The following CDC42BPB variants were observed in gnomAD, a reference collection of about 807,000 sequenced individuals.
CDC42BPB encodes the protein CDC42 binding protein kinase beta.
A neutral mutation model predicts 214.9 loss-of-function variants in CDC42BPB; 37 were observed. The ratio of observed to expected loss-of-function variants is 0.17; its 90% confidence interval spans 0.13 to 0.23. The LOEUF (loss-of-function observed/expected upper bound fraction) is 0.23. CDC42BPB is among the 10% of genes least tolerant of loss of function. CDC42BPB has a pLI of 1.00. For synonymous variants in CDC42BPB, 931 were observed against 884.0 expected (o/e 1.05, Z -0.94); for missense variants, 1,694 against 2,227.0 (o/e 0.76, Z 4.82).
chr14:103,028,134 ATAAG>A (rs1210136046), intron 1 of CDC42BPB, among the ~76,000 whole-genome samples: 1 of 152,236 alleles, frequency 6.6e-6, no homozygotes, highest in Non-Finnish European at 1.5e-5. Context: ...CTTCTCAAAA[ATAAG>A]TAAATAAAAC....
chr14:102,976,326 C>T (rs1893742665), intron 9 of CDC42BPB: 1 of 513,282 alleles, frequency 1.9e-6, no homozygotes, highest in African/African-American at 2.1e-5. Context: ...ACTATAAATG[C>T]AAAACCAGAA....
At chr14:103,017,973 G>T (rs1015700830) in intron 1 of CDC42BPB, among the ~76,000 whole-genome samples, 1 of 152,190 alleles carries the variant, frequency 6.6e-6, no homozygotes, top group Non-Finnish European at 1.5e-5. Context: ...TGGCACCAGG[G>T]GCCACTTTCA....
intron 1 of CDC42BPB, among the ~76,000 whole-genome samples, chr14:103,044,838 CA>C (rs1566924865): frequency 6.6e-6 from 1 of 151,420 alleles, no homozygotes; most frequent in Non-Finnish European, 1.5e-5. Flanking sequence ...AGGATTGCTG[CA>C]TAACCACTGA....
chr14:102,941,293 A>T (rs1417301112), intron 30 of CDC42BPB: 3 of 985,350 alleles, frequency 3.0e-6, no homozygotes, highest in African/African-American at 1.7e-5. Context: ...GTTCAAGGTT[A>T]ATCCTGCATC....
chr14:103,053,685 C>T lies in CDC42BPB; in HGVS notation c.175+3314G>A, dbSNP rs1306001982. Among the ~76,000 whole-genome samples, 18 of 151,156 alleles carry T rather than the reference C, an allele frequency of 1.2e-4. No homozygotes were observed. In the South Asian group the frequency reaches 2.1e-3, roughly 18 times the overall value. ...GCTGAGGCAGGAGAACAACGTGAAC[C>T]CGGGAGGCAGAGCTTGCAGTGAGCC... On this transcript the variant is annotated intron_variant, in intron 1 of 36. Coordinates refer to ENST00000361246, the MANE Select transcript of CDC42BPB (RefSeq NM_006035.4).
chr14:102,974,366 C>G (rs2139486378), intron 11 of CDC42BPB: 1 of 985,040 alleles, frequency 1.0e-6, no homozygotes, highest in East Asian at 1.1e-4. Flanking sequence ...AACAGGCTCC[C>G]TAGACTTTAC....
At chr14:102,965,836 AT>A (rs1164103597) in intron 18 of CDC42BPB, among the ~76,000 whole-genome samples, 3 of 152,206 alleles carry the variant, frequency 2.0e-5, no homozygotes, top group African/African-American at 7.2e-5. Flanking sequence ...CACGCCTGTA[AT>A]CCCAGCTACT....
Position 102,933,728 on chromosome 14 carries a change from G to T in CDC42BPB, c.5120C>A (p.Pro1707Gln), listed in dbSNP as rs765510912. Residue 1707 changes from proline to glutamine, a missense_variant, in exon 37 of 37, where the codon CCG becomes CAG. Pro to Gln is a moderately conservative substitution (Grantham distance 76). This residue lies in a region of CDC42BPB where 146 missense variants were observed against 134.1 expected (regional missense o/e 1.09). Coordinates refer to ENST00000361246, the MANE Select transcript of CDC42BPB (RefSeq NM_006035.4). ...CTGGCGGCTTCAGGTGTCACAGGCC[G>T]GCTGCTCCAGGCCTTCGAGGGGGAG... ...SQLPLEGLEQPACDT is the reference protein window; with the variant it reads ...SQLPLEGLEQQACDT 4.1e-6 allele frequency: 6 copies of T among 1,479,530 alleles called. No individual in the cohort carries two copies. The highest frequency in any genetic ancestry group is 5.3e-6 in the Non-Finnish European group (6 of 1,130,234). 91.7% of individuals were successfully genotyped at this position (1,479,530 alleles called of 1,614,324 possible).
In CDC42BPB at chr14:103,053,164, A is replaced by G. The variant is rs561253451; in HGVS notation, c.175+3835T>C. Among the ~76,000 whole-genome samples, 5 of 151,996 alleles carry G rather than the reference A, an allele frequency of 3.3e-5. No homozygotes were observed. The East Asian group carries it at 9.7e-4, about 30-fold the overall frequency. ...GGACTTTAAGACCAGCCTGGCCAAG[A>G]TGGTGAAACCCCGTCTTTACTAAAA... On this transcript the variant is annotated intron_variant, in intron 1 of 36. Coordinates refer to ENST00000361246, the MANE Select transcript of CDC42BPB (RefSeq NM_006035.4).
In CDC42BPB at chr14:102,963,087, ATCTTTT is replaced by A. The variant is rs1566861432; in HGVS notation, c.2789_2794del (p.Lys930_Lys931del). On this transcript the variant is annotated inframe_deletion, in exon 20 of 37. Transcript: ENST00000361246. ...AGTATCTGCTCTGAATTTTTCTTCC[ATCTTTT>A]TCTTCAAAATTTCCATTTCTTCTAA... is the stretch of plus-strand genomic sequence containing the variant. The A allele has an allele frequency of 6.4e-7, 1 of 1,558,428 alleles. No homozygotes were observed. The highest frequency in any genetic ancestry group is 8.8e-7 in the Non-Finnish European group (1 of 1,130,574).
Position 103,004,018 on chromosome 14 carries a change from C to A in CDC42BPB, c.357G>T (p.Ala119=). The change falls in exon 4 of 37, where the codon GCG becomes GCT. Residue 119 remains alanine (A), a synonymous_variant. Coordinates refer to ENST00000361246, the MANE Select transcript of CDC42BPB (RefSeq NM_006035.4). This position sits in a 1 kb window ranked among gnomAD's most constrained non-coding sequence, Gnocchi z 5.3. The part of the protein sequence containing the change: ...KWEMLKRAET[A]CFREERDVLV... ...GCACATCGCGCTCCTCTCGGAAGCA[C>A]GCGGTCTGCAAAGCAACGAGGGGTG... The A allele has an allele frequency of 6.2e-7, 1 of 1,601,146 alleles. No individual in the cohort carries two copies. Among genetic ancestry groups the A allele is most frequent in the Non-Finnish European group, 8.5e-7 (1 of 1,177,692 alleles).
intron 20 of CDC42BPB, 60 bp downstream of exon 20, chr14:102,963,001 A>G: frequency 1.2e-6 from 1 of 823,336 alleles, no homozygotes; most frequent in Non-Finnish European, 2.0e-6. Flanking sequence ...AGAAAATAAA[A>G]ACATTCATTT....
chr14:102,952,661 C>G, intron 23 of CDC42BPB, 58 bp from the exon 24 acceptor site: 1 of 1,575,814 alleles, frequency 6.3e-7, no homozygotes. Flanking sequence ...GAGTCAGATC[C>G]ATCTGCCTGT....
intron 1 of CDC42BPB, among the ~76,000 whole-genome samples, chr14:103,037,747 T>C (rs1327535224): frequency 6.6e-6 from 1 of 152,092 alleles, no homozygotes; most frequent in African/African-American, 2.4e-5. Context: ...TAAAGAATTT[T>C]AGGCCGGGCG....
intron 2 of CDC42BPB, among the ~76,000 whole-genome samples, chr14:103,011,246 T>C (rs544404111): frequency 2.6e-4 from 40 of 152,330 alleles, no homozygotes; most frequent in Middle Eastern, 3.4e-3. Context: ...ACAAGGGACC[T>C]GGTGAGCCTC....
At chr14:102,950,038 A>G in intron 25 of CDC42BPB, 134 bp from the exon 26 acceptor site, 1 of 1,491,876 alleles carries the variant, frequency 6.7e-7, no homozygotes, top group Non-Finnish European at 8.9e-7. Context: ...ATGTTTGCCC[A>G]AGAAGGCTCA....
At chr14:102,948,799 G>C (rs956943227) in intron 26 of CDC42BPB, among the ~76,000 whole-genome samples, 1 of 151,828 alleles carries the variant, frequency 6.6e-6, no homozygotes, top group South Asian at 2.1e-4. Context: ...TGAGCCCTCC[G>C]ATGGGGCCCC....
At chr14:103,047,369 A>C (rs1888350796) in intron 1 of CDC42BPB, among the ~76,000 whole-genome samples, 1 of 152,138 alleles carries the variant, frequency 6.6e-6, no homozygotes, top group Admixed American at 6.6e-5. Flanking sequence ...CAAGCGTCCC[A>C]ATCAAAAAGA....
Position 103,057,533 on chromosome 14 carries a change from G to C in CDC42BPB, c.-360C>G, listed in dbSNP as rs34115549. 420 of 156,136 alleles carry C rather than the reference G, an allele frequency of 2.7e-3. 1 individual carries two copies. The highest frequency in any genetic ancestry group is 9.7e-3 in the African/African-American group (398 of 40,964). The allele number at this position is 156,136 out of a possible 1,614,324, so 9.7% of individuals were successfully genotyped here. The stretch of plus-strand genomic sequence containing the variant: ...GAGGAGCCTAGCGCTGCGCAAGCCC[G>C]GCCGGCGCCCGAGCCCGACCCCAGC... On this transcript the variant is annotated 5_prime_UTR_variant, in exon 1 of 37. Coordinates refer to ENST00000361246, the MANE Select transcript of CDC42BPB (RefSeq NM_006035.4).
Sources: gnomAD v4.1 joint callset for allele counts (sites outside exome capture counted in the v4.1 genomes callset) on GRCh38, gnomAD v4.1.1 for gene constraint, gnomAD v4.1.1 regional missense constraint, Gnocchi (gnomAD v3.1) non-coding constraint, MANE v1.5 for transcripts, NCBI Gene and HGNC (gene_info 2026-07-23, HGNC 2026-07-21) for gene names.